The following MSRB3 variants were observed in gnomAD, a reference collection of about 807,000 sequenced individuals.
MSRB3 encodes methionine sulfoxide reductase B3.
MSRB3 carries 13 observed loss-of-function variants against 21.0 expected under a neutral mutation model. That is an observed-to-expected ratio of 0.62 (90% confidence interval 0.40 to 0.98). The LOEUF is 0.98. Ranked by LOEUF, MSRB3 falls within the 50% of genes least tolerant of loss-of-function variation. The probability of loss-of-function intolerance (pLI) is 0.00; values close to 1 mark genes in which losing one functional copy is unlikely to be tolerated. For missense variants in MSRB3, 199 were observed against 230.3 expected (o/e 0.86, Z 0.88); for synonymous variants, 87 against 88.6 (o/e 0.98, Z 0.10).
intron 4 of MSRB3, among the ~76,000 whole-genome samples, chr12:65,331,087 T>C (rs1041891162): frequency 1.3e-5 from 2 of 152,202 alleles, no homozygotes; most frequent in African/African-American, 4.8e-5. Context: ...TTTTGTCAAA[T>C]CTACATTTTA....
chr12:65,292,547 A>G (rs982808337), intron 1 of MSRB3, among the ~76,000 whole-genome samples: 1 of 151,914 alleles, frequency 6.6e-6, no homozygotes, highest in Admixed American at 6.6e-5. Context: ...TTCTCCTTCA[A>G]CTCACTTCTG....
At chr12:65,282,941 A>G (rs1484325488) in intron 1 of MSRB3, among the ~76,000 whole-genome samples, 1 of 152,146 alleles carries the variant, frequency 6.6e-6, no homozygotes, top group East Asian at 1.9e-4. Context: ...TTATGAGGTT[A>G]TAGTCCTTAA....
intron 5 of MSRB3, among the ~76,000 whole-genome samples, chr12:65,396,695 AAAAAAAAAAAAAGAAAGAAAGAAAGAAAG>A (rs1365742787): frequency 1.8e-4 from 12 of 66,062 alleles, no homozygotes; most frequent in Non-Finnish European, 2.8e-4. Flanking sequence ...CCATCTCAAA[AAAAAAAAAAAAAGAAAGAAAGAAAGAAAG>A]AAAGAAAGAA....
In MSRB3 at chr12:65,308,612, A is replaced by C. The variant is rs760081771; in HGVS notation, c.33A>C (p.Thr11=). Residue 11 remains threonine, a synonymous_variant, in exon 2 of 7, where the codon ACA becomes ACC. Coordinates refer to ENST00000308259, the MANE Select transcript of MSRB3 (RefSeq NM_001031679.3). The part of the protein sequence containing the change: MSAFNLLHLV[T]KSQPVALRAC... Reference sequence around the variant, plus strand: ...CATTCAACCTGCTGCATTTGGTGACAAAGAGCCAGCCAGTAGCCCTTCGAG... The same window carrying C: ...CATTCAACCTGCTGCATTTGGTGACCAAGAGCCAGCCAGTAGCCCTTCGAG... The C allele has an allele frequency of 3.1e-6, 5 of 1,613,994 alleles. No individual in the cohort carries two copies. The East Asian group carries it at 8.9e-5, about 29-fold the overall frequency.
At chr12:65,404,940 TA>T (rs747544065) in intron 5 of MSRB3, among the ~76,000 whole-genome samples, 2 of 151,812 alleles carry the variant, frequency 1.3e-5, no homozygotes, top group Non-Finnish European at 2.9e-5. Flanking sequence ...CAGCCCCTGA[TA>T]ACTAACCTTC....
intron 1 of MSRB3, among the ~76,000 whole-genome samples, chr12:65,304,718 T>G (rs555544207): frequency 3.2e-4 from 48 of 152,362 alleles, no homozygotes; most frequent in African/African-American, 9.4e-4. Flanking sequence ...AATGCTAAGC[T>G]TTTGCTTTCA....
intron 4 of MSRB3, among the ~76,000 whole-genome samples, chr12:65,353,296 C>T (rs1042586904): frequency 5.3e-5 from 8 of 152,006 alleles, no homozygotes; most frequent in South Asian, 4.1e-4. Flanking sequence ...CTTTCTATCT[C>T]GTTGATCTGT....
At chr12:65,417,232 C>T (rs1366880010) in intron 5 of MSRB3, among the ~76,000 whole-genome samples, 6 of 152,014 alleles carry the variant, frequency 3.9e-5, no homozygotes, top group Non-Finnish European at 1.5e-5. Flanking sequence ...GTGTTTGCCC[C>T]TCATTAAGGG....
At chr12:65,441,306 A>G (rs1388810082) in intron 5 of MSRB3, among the ~76,000 whole-genome samples, 6 of 151,942 alleles carry the variant, frequency 3.9e-5, no homozygotes, top group African/African-American at 1.4e-4. Context: ...AGAGCTGTCA[A>G]TATGAGGAGT....
Position 65,288,989 on chromosome 12 carries a change from A to G in MSRB3, c.-52+10124A>G, listed in dbSNP as rs541918739. 1.1e-4 allele frequency among the ~76,000 whole-genome samples: 16 copies of G among 152,342 alleles called. 1 individual carries two copies. In the South Asian group the frequency reaches 1.9e-3, roughly 18 times the overall value. On this transcript the variant is annotated intron_variant, in intron 1 of 6. Transcript: ENST00000308259. ...ATATAAGGTATAAAGAATATTTTAA[A>G]AAAATCTGGGTACCCTCATCCAGCT...
intron 1 of MSRB3, among the ~76,000 whole-genome samples, chr12:65,289,866 TGATC>T (rs1355929256): frequency 3.3e-5 from 5 of 152,234 alleles, no homozygotes; most frequent in Non-Finnish European, 5.9e-5. Flanking sequence ...TCAAAGGCCA[TGATC>T]ACATTTTTTA....
chr12:65,390,261 C>A (rs945753305), intron 5 of MSRB3, among the ~76,000 whole-genome samples: 4 of 152,100 alleles, frequency 2.6e-5, no homozygotes, highest in Non-Finnish European at 4.4e-5. Context: ...GAAAATCAAA[C>A]AAAACCCCAA....
chr12:65,431,880 A>G (rs572004760), intron 5 of MSRB3, among the ~76,000 whole-genome samples: 10 of 152,230 alleles, frequency 6.6e-5, no homozygotes, highest in African/African-American at 1.9e-4. Context: ...CTAAGTCTGG[A>G]TGTGCTATTT....
chr12:65,315,611 T>G (rs959755128), intron 2 of MSRB3, among the ~76,000 whole-genome samples: 2 of 140,388 alleles, frequency 1.4e-5, no homozygotes, highest in Admixed American at 1.6e-4. Flanking sequence ...GAGGTTGCAG[T>G]GAGCCGGGAT....
intron 5 of MSRB3, among the ~76,000 whole-genome samples, chr12:65,377,795 A>G (rs981999957): frequency 1.3e-5 from 2 of 152,200 alleles, no homozygotes; most frequent in African/African-American, 4.8e-5. Flanking sequence ...CTTTGCATCT[A>G]TGTGGAGACA....
At position 65,401,520 on chromosome 12, in the gene MSRB3, G is replaced by A. The variant is rs913838971; in HGVS notation, c.292+32494G>A. On this transcript the variant is annotated intron_variant, in intron 5 of 6. Coordinates refer to ENST00000308259, the MANE Select transcript of MSRB3 (RefSeq NM_001031679.3). ...ATATGTGTCTTTGCACGTGAGATGGGTATCCTGAATACAGCACACTGATGG... is the reference window on the plus strand; with the variant it reads ...ATATGTGTCTTTGCACGTGAGATGGATATCCTGAATACAGCACACTGATGG... 5.3e-5 allele frequency among the ~76,000 whole-genome samples: 8 copies of A among 152,108 alleles called. No individual in the cohort carries two copies. In the South Asian group the frequency reaches 1.7e-3, roughly 32 times the overall value.
At position 65,307,709 on chromosome 12, in the gene MSRB3, T is replaced by A. The variant is rs1256868165; in HGVS notation, c.-51-820T>A. Among the ~76,000 whole-genome samples the A allele has an allele frequency of 2.0e-5, 3 of 152,342 alleles. No homozygotes were observed. The South Asian group carries it at 6.2e-4, about 32-fold the overall frequency. ...TTTAATATCTACACAATTTTTAGATTCTTCCACATAATTCATTTCCAAAGA... is the reference window on the plus strand; with the variant it reads ...TTTAATATCTACACAATTTTTAGATACTTCCACATAATTCATTTCCAAAGA... On this transcript the variant is annotated intron_variant, in intron 1 of 6. Coordinates refer to ENST00000308259, the MANE Select transcript of MSRB3 (RefSeq NM_001031679.3).
At chr12:65,319,537 C>T (rs922185742) in intron 2 of MSRB3, among the ~76,000 whole-genome samples, 1 of 152,080 alleles carries the variant, frequency 6.6e-6, no homozygotes, top group Admixed American at 6.6e-5. Flanking sequence ...TTGCACATAC[C>T]TTTACTGTAA....
intron 5 of MSRB3, among the ~76,000 whole-genome samples, chr12:65,387,341 A>G (rs182435807): frequency 6.6e-6 from 1 of 152,150 alleles, no homozygotes; most frequent in Admixed American, 6.5e-5. Context: ...CCCCTTGGAC[A>G]CACTGACAGT....
Sources: gnomAD v4.1 joint callset for allele counts (sites outside exome capture counted in the v4.1 genomes callset) on GRCh38, gnomAD v4.1.1 for gene constraint, MANE v1.5 for transcripts, NCBI Gene and HGNC (gene_info 2026-07-23, HGNC 2026-07-21) for gene names.